MUSK: variants seen among roughly 807,000 people sequenced by gnomAD.
MUSK encodes the protein muscle, skeletal receptor tyrosine-protein kinase.
In MUSK, 55 loss-of-function variants were observed where a neutral mutation model predicts 88.7. That is an observed-to-expected ratio of 0.62 (90% CI 0.50 to 0.78). The LOEUF is 0.78. MUSK is among the 30% of genes least tolerant of loss of function. The pLI, the probability that MUSK is intolerant of heterozygous loss-of-function variation, is 0.00. For synonymous variants in MUSK, 387 were observed against 391.9 expected (o/e 0.99, Z 0.15); for missense variants, 1,015 against 1,074.3 (o/e 0.94, Z 0.77).
chr9:110,747,464 A>G (rs1439291205), intron 6 of MUSK, among the ~76,000 whole-genome samples, 177 bp from the exon 7 acceptor site: 1 of 152,222 alleles, frequency 6.6e-6, no homozygotes, highest in East Asian at 1.9e-4. Context: ...TCTTGAGGGA[A>G]GAGCTACAAA....
In MUSK at chr9:110,776,621, T is replaced by C; in HGVS notation, c.1361-11T>C. 6.3e-7 allele frequency: 1 copy of C among 1,597,738 alleles called. No homozygotes were observed. Among genetic ancestry groups the C allele is most frequent in the Non-Finnish European group, 8.6e-7 (1 of 1,166,450 alleles). ...CTCACTTAAAACAAATTTTTATCCTTTCCCCTTCAGATTATAACAAAGAAA... is the reference window on the plus strand; with the variant it reads ...CTCACTTAAAACAAATTTTTATCCTCTCCCCTTCAGATTATAACAAAGAAA... On this transcript the variant is annotated splice_polypyrimidine_tract_variant and intron_variant, in intron 10 of 14. Transcript: ENST00000374448.
At chr9:110,736,114 T>A (rs1671295844) in intron 6 of MUSK, among the ~76,000 whole-genome samples, 1 of 152,086 alleles carries the variant, frequency 6.6e-6, no homozygotes, top group African/African-American at 2.4e-5. Flanking sequence ...TATTTAAGTA[T>A]TTCAAAATAT....
chr9:110,713,076 G>A (rs2076694225), intron 5 of MUSK, among the ~76,000 whole-genome samples: 1 of 151,740 alleles, frequency 6.6e-6, no homozygotes, highest in African/African-American at 2.4e-5. Context: ...AGAAAATAGA[G>A]GAAAAAATTC....
intron 8 of MUSK, among the ~76,000 whole-genome samples, chr9:110,763,637 G>A (rs2077433333): frequency 6.6e-6 from 1 of 152,320 alleles, no homozygotes; most frequent in South Asian, 2.1e-4. Flanking sequence ...AGATAAGGCA[G>A]TTGCTAAAAA....
At chr9:110,715,991 G>T (rs1326536939) in intron 5 of MUSK, among the ~76,000 whole-genome samples, 1 of 149,410 alleles carries the variant, frequency 6.7e-6, no homozygotes, top group Non-Finnish European at 1.5e-5. Context: ...TGGGAGGAAG[G>T]AGAGCTTCAG....
intron 5 of MUSK, among the ~76,000 whole-genome samples, chr9:110,704,951 C>T (rs1196918449): frequency 1.4e-5 from 2 of 147,878 alleles, no homozygotes; most frequent in Non-Finnish European, 3.0e-5. Context: ...TGCCACTGCA[C>T]TCCAGCCCAG....
At chr9:110,771,043 G>A (rs2077565303) in intron 9 of MUSK, among the ~76,000 whole-genome samples, 1 of 151,360 alleles carries the variant, frequency 6.6e-6, no homozygotes, top group African/African-American at 2.4e-5. Context: ...AAGAAACTGT[G>A]CCCCTTTTAA....
At position 110,681,086 on chromosome 9, in the gene MUSK, AATATATATTATATAAT is replaced by A. The variant is rs1288979788; in HGVS notation, c.80-1581_80-1566del. Among the ~76,000 whole-genome samples the A allele has an allele frequency of 4.4e-4, 9 of 20,476 alleles. 1 individual carries two copies. Among genetic ancestry groups the A allele is most frequent in the African/African-American group, 2.1e-3 (8 of 3,746 alleles). 13.4% of individuals were successfully genotyped at this position (20,476 alleles called of 152,430 possible). A position where few individuals can be genotyped will look rare whatever the true frequency, so the allele number is the denominator to read the frequency against. The stretch of plus-strand genomic sequence containing the variant: ...ATATATAATATTATATATATTATAT[AATATATATTATATAAT>A]ATATATTATATATAATATATATTAT... On this transcript the variant is annotated intron_variant, in intron 1 of 14. Transcript: ENST00000374448.
intron 7 of MUSK, among the ~76,000 whole-genome samples, chr9:110,753,329 G>A (rs2077270802): frequency 6.6e-6 from 1 of 151,982 alleles, no homozygotes; most frequent in Non-Finnish European, 1.5e-5. Context: ...CTACTTGGGA[G>A]GCCGAGGCAT....
intron 7 of MUSK, among the ~76,000 whole-genome samples, chr9:110,755,518 C>T (rs2077299231): frequency 6.6e-6 from 1 of 152,080 alleles, no homozygotes. Flanking sequence ...ATCTCCTTGC[C>T]CTTCTCAAGA....
At chr9:110,694,385 C>CAAAAAAAAAAAAAA (rs796590211) in intron 3 of MUSK, among the ~76,000 whole-genome samples, 8 of 51,756 alleles carry the variant, frequency 1.5e-4, no homozygotes, top group East Asian at 7.4e-4. Context: ...GACTCCGTCT[C>CAAAAAAAAAAAAAA]AAAAAAAAAA....
At chr9:110,734,882 T>C (rs1290347560) in intron 6 of MUSK, among the ~76,000 whole-genome samples, 1 of 152,100 alleles carries the variant, frequency 6.6e-6, no homozygotes, top group Non-Finnish European at 1.5e-5. Flanking sequence ...TCTACAAATA[T>C]GTATTGAGCT....
chr9:110,693,438 C>G (rs1272173932), intron 3 of MUSK, among the ~76,000 whole-genome samples: 1 of 152,166 alleles, frequency 6.6e-6, no homozygotes, highest in African/African-American at 2.4e-5. Flanking sequence ...CTCCAGCTCT[C>G]TTAAGCCCTC....
chr9:110,776,520 G>A, intron 10 of MUSK, 112 bp from the exon 11 acceptor site: 2 of 841,134 alleles, frequency 2.4e-6, no homozygotes, highest in Non-Finnish European at 1.9e-6. Context: ...TTTTCCAGTT[G>A]TATATTAAAA....
chr9:110,709,256 T>C (rs2076638020), intron 5 of MUSK, among the ~76,000 whole-genome samples: 1 of 152,218 alleles, frequency 6.6e-6, no homozygotes, highest in African/African-American at 2.4e-5. Flanking sequence ...ACTGTAATTG[T>C]TATATTTATT....
chr9:110,731,333 G>C (rs1216636575), intron 5 of MUSK, among the ~76,000 whole-genome samples: 1 of 152,002 alleles, frequency 6.6e-6, no homozygotes, highest in Non-Finnish European at 1.5e-5. Flanking sequence ...TCAGATAGTG[G>C]TGATATGATA....
Position 110,787,076 on chromosome 9 carries a change from G to A in MUSK, c.1779-614G>A, listed in dbSNP as rs539427729. On this transcript the variant is annotated intron_variant, in intron 13 of 14. Transcript: ENST00000374448. The stretch of plus-strand genomic sequence containing the variant: ...TTCTGGACAAAGATTAAAAGGTTAG[G>A]ATGTGGCTGGGCGCGATGGCTCACA... 2.6e-5 allele frequency among the ~76,000 whole-genome samples: 4 copies of A among 152,234 alleles called. 1 individual carries two copies. The South Asian group carries it at 8.3e-4, about 32-fold the overall frequency.
At chr9:110,678,881 C>G (rs1017216333) in intron 1 of MUSK, among the ~76,000 whole-genome samples, 18 of 114,804 alleles carry the variant, frequency 1.6e-4, no homozygotes, top group African/African-American at 7.2e-4. Context: ...GATCTATAAA[C>G]AGGATTGGGA....
intron 14 of MUSK, among the ~76,000 whole-genome samples, chr9:110,799,996 T>C (rs774169243): frequency 2.6e-5 from 4 of 152,160 alleles, no homozygotes; most frequent in Non-Finnish European, 4.4e-5. Context: ...CATGTACTTA[T>C]ATGCACCATG....
Sources: allele counts gnomAD v4.1 joint callset (sites outside exome capture counted in the v4.1 genomes callset), GRCh38; gene constraint gnomAD v4.1.1; transcripts MANE v1.5; gene names NCBI Gene and HGNC (gene_info 2026-07-23, HGNC 2026-07-21).